PRR16: variants seen among roughly 807,000 people sequenced by gnomAD.
PRR16 encodes the protein protein Largen.
A neutral mutation model predicts 18.2 loss-of-function variants in PRR16; 6 were observed. The ratio of observed to expected loss-of-function variants is 0.33; its 90% CI spans 0.18 to 0.65. PRR16 has a LOEUF of 0.65. Among genes scored for constraint, PRR16 ranks in the 30% least tolerant of loss-of-function variants. PRR16 has a pLI of 0.74. For missense variants in PRR16, 412 were observed against 376.6 expected (o/e 1.09, Z -0.78); for synonymous variants, 151 against 147.8 (o/e 1.02, Z -0.16).
chr5:120,576,772 C>T (rs183140104), intron 1 of PRR16, among the ~76,000 whole-genome samples: 1 of 152,054 alleles, frequency 6.6e-6, no homozygotes, highest in Non-Finnish European at 1.5e-5. Context: ...CCATCAAGCT[C>T]TCCTGGCTTA....
intron 1 of PRR16, among the ~76,000 whole-genome samples, chr5:120,496,697 G>T (rs183402476): frequency 6.0e-4 from 91 of 151,652 alleles, no homozygotes; most frequent in Admixed American, 1.5e-3. Flanking sequence ...TATTGTTTTT[G>T]ATTTTATTGG....
At chr5:120,746,416 C>A in the PRR16 span, among the ~76,000 whole-genome samples, 1 of 91,154 alleles carries the variant, frequency 1.1e-5, no homozygotes, top group African/African-American at 4.1e-5. Context: ...TTTGGAGTTA[C>A]AAGAGGAACT....
intron 1 of PRR16, among the ~76,000 whole-genome samples, chr5:120,502,740 G>A (rs1248400444): frequency 1.3e-5 from 2 of 152,082 alleles, no homozygotes; most frequent in African/African-American, 4.8e-5. Flanking sequence ...GGTCAAAATG[G>A]TTTCATACCA....
chr5:120,720,854 T>A, the PRR16 span, among the ~76,000 whole-genome samples: 1 of 152,054 alleles, frequency 6.6e-6, no homozygotes, highest in African/African-American at 2.4e-5. Flanking sequence ...AGTGTCCTTT[T>A]TGGGGTAAAA....
At chr5:120,499,077 A>G (rs1415157657) in intron 1 of PRR16, among the ~76,000 whole-genome samples, 1 of 147,910 alleles carries the variant, frequency 6.8e-6, no homozygotes, top group East Asian at 2.0e-4. Flanking sequence ...TTTGCCAAAT[A>G]TGGGACATTT....
At chr5:120,776,725 G>A in the PRR16 span, among the ~76,000 whole-genome samples, 1 of 152,030 alleles carries the variant, frequency 6.6e-6, no homozygotes, top group South Asian at 2.1e-4. Context: ...ATTTGTATTT[G>A]TACTTCATTG....
intron 1 of PRR16, among the ~76,000 whole-genome samples, chr5:120,504,017 ATTTTC>A (rs752962721): frequency 8.6e-5 from 13 of 151,128 alleles, no homozygotes; most frequent in Admixed American, 1.3e-4. Context: ...TATGTGCCAC[ATTTTC>A]TTTTCTTTTC....
chr5:120,466,348 T>G (rs995736240), intron 1 of PRR16, among the ~76,000 whole-genome samples: 1 of 152,198 alleles, frequency 6.6e-6, no homozygotes, highest in Admixed American at 6.5e-5. Context: ...TGCTTAATAG[T>G]TGGTGAGGTT....
At chr5:120,562,290 A>G (rs536955600) in intron 1 of PRR16, among the ~76,000 whole-genome samples, 1 of 152,224 alleles carries the variant, frequency 6.6e-6, no homozygotes, top group East Asian at 1.9e-4. Context: ...TGATATAAGT[A>G]TAACCACTCC....
chr5:120,789,261 G>T, the PRR16 span, among the ~76,000 whole-genome samples: 1 of 151,968 alleles, frequency 6.6e-6, no homozygotes, highest in South Asian at 2.1e-4. Flanking sequence ...AACTTAAATA[G>T]AAGACCACAG....
chr5:120,558,155 A>G (rs542989539), intron 1 of PRR16, among the ~76,000 whole-genome samples: 1 of 151,746 alleles, frequency 6.6e-6, no homozygotes, highest in Admixed American at 6.6e-5. Context: ...ATCCAATTAT[A>G]CTCTTTTAGT....
chr5:120,542,910 G>A (rs1751960230), intron 1 of PRR16, among the ~76,000 whole-genome samples: 3 of 152,078 alleles, frequency 2.0e-5, no homozygotes, highest in Admixed American at 6.6e-5. Context: ...AGTCATTAAC[G>A]AGTGATTATT....
chr5:120,562,272 A>AT (rs1752599522), intron 1 of PRR16, among the ~76,000 whole-genome samples: 1 of 151,530 alleles, frequency 6.6e-6, no homozygotes, highest in Admixed American at 6.6e-5. Context: ...CTTGAAATCT[A>AT]TTTTTTCTGA....
chr5:120,699,024 C>A, the PRR16 span, among the ~76,000 whole-genome samples: 1 of 152,046 alleles, frequency 6.6e-6, no homozygotes, highest in Non-Finnish European at 1.5e-5. Context: ...AAGGCCTTTA[C>A]TTATTCAGTG....
At chr5:120,505,971 C>T (rs887577576) in intron 1 of PRR16, among the ~76,000 whole-genome samples, 1 of 137,736 alleles carries the variant, frequency 7.3e-6, no homozygotes, top group Non-Finnish European at 1.6e-5. Flanking sequence ...TATATATATA[C>T]ACATTTTTTC....
chr5:120,525,207 C>T (rs979338113), intron 1 of PRR16, among the ~76,000 whole-genome samples: 1 of 151,960 alleles, frequency 6.6e-6, no homozygotes, highest in African/African-American at 2.4e-5. Context: ...GAGAGGGCCC[C>T]ATTATATATT....
At chr5:120,772,168 T>A in the PRR16 span, among the ~76,000 whole-genome samples, 80 of 152,254 alleles carry the variant, frequency 5.3e-4, no homozygotes, top group African/African-American at 1.7e-3. Flanking sequence ...TTTTCAAATT[T>A]AAGCAATATG....
chr5:120,774,496 T>C, the PRR16 span, among the ~76,000 whole-genome samples: 2 of 152,128 alleles, frequency 1.3e-5, no homozygotes, highest in Admixed American at 1.3e-4. Flanking sequence ...CTAGGAGAAA[T>C]TTGACAAAGT....
Position 120,646,048 on chromosome 5 carries a change from TTATATATATATATA to T in PRR16, c.160-39892_160-39879del, listed in dbSNP as rs10606917. Reference sequence around the variant, plus strand: ...CAAATTACAAAAAAAAATACATATTTTATATATATATATATATATATATATATCATAGTTTCATG... The same window carrying T: ...CAAATTACAAAAAAAAATACATATTTTATATATATATATCATAGTTTCATG... On this transcript the variant is annotated intron_variant, in intron 1 of 1. Transcript: ENST00000407149. Among the ~76,000 whole-genome samples, 5 of 104,996 alleles carry T rather than the reference TTATATATATATATA, an allele frequency of 4.8e-5. No homozygotes were observed. The South Asian group carries it at 1.4e-3, about 28-fold the overall frequency. The allele number at this position is 104,996 out of a possible 152,430, so 68.9% of individuals were successfully genotyped here.
Sources: allele counts gnomAD v4.1 joint callset (sites outside exome capture counted in the v4.1 genomes callset), GRCh38; gene constraint gnomAD v4.1.1; transcripts MANE v1.5; gene names NCBI Gene and HGNC (gene_info 2026-07-23, HGNC 2026-07-21).